Variants in RASGRP3 observed in about 807,000 individuals in gnomAD.
RASGRP3 encodes the protein ras guanyl-releasing protein 3.
A neutral mutation model predicts 82.7 loss-of-function variants in RASGRP3; 54 were observed. That is an observed-to-expected ratio of 0.65 (90% CI 0.52 to 0.82). The LOEUF is 0.82. RASGRP3 is among the 40% of genes least tolerant of loss of function. The pLI, the probability that RASGRP3 is intolerant of heterozygous loss-of-function variation, is 0.00. For missense variants in RASGRP3, 861 were observed against 828.9 expected (o/e 1.04, Z -0.48); for synonymous variants, 309 against 300.5 (o/e 1.03, Z -0.29).
intron 1 of RASGRP3, among the ~76,000 whole-genome samples, chr2:33,442,709 T>C (rs932109387): frequency 6.6e-6 from 1 of 152,196 alleles, no homozygotes; most frequent in African/African-American, 2.4e-5. Flanking sequence ...ATAATTGTTT[T>C]AGTAATAATT....
chr2:33,524,459 A>G lies in RASGRP3; in HGVS notation c.718A>G (p.Thr240Ala). 2 of 1,601,998 alleles carry G rather than the reference A, an allele frequency of 1.2e-6. No homozygotes were observed. Among genetic ancestry groups the G allele is most frequent in the Non-Finnish European group, 1.7e-6 (2 of 1,174,326 alleles). Residue 240 changes from threonine (T) to alanine (A), a missense_variant, in exon 9 of 18, where the codon ACC (threonine) becomes GCC (alanine). Thr to Ala is a moderately conservative substitution (Grantham distance 58, BLOSUM62 0). Coordinates refer to ENST00000403687, the MANE Select transcript of RASGRP3 (RefSeq NM_001139488.2). ...KKLLQLKNFN[T>A]LMAVVGGLSH... ...GCTCCTTCAGCTCAAAAATTTTAACACCCTGATGGCAGTGGTGGGAGGCCT... is the reference window on the plus strand; with the variant it reads ...GCTCCTTCAGCTCAAAAATTTTAACGCCCTGATGGCAGTGGTGGGAGGCCT...
chr2:33,479,805 T>C (rs2150933792), intron 1 of RASGRP3, among the ~76,000 whole-genome samples: 1 of 152,216 alleles, frequency 6.6e-6, no homozygotes, highest in South Asian at 2.1e-4. Context: ...TTTAAAAATG[T>C]CATTTGGCTG....
intron 2 of RASGRP3, among the ~76,000 whole-genome samples, chr2:33,456,734 A>G (rs1666059299): frequency 6.6e-6 from 1 of 152,290 alleles, no homozygotes; most frequent in South Asian, 2.1e-4. Flanking sequence ...TCATTTTTCT[A>G]AAAATAATTA....
chr2:33,519,869 G>T, intron 4 of RASGRP3, 83 bp from the exon 5 acceptor site: 1 of 925,744 alleles, frequency 1.1e-6, no homozygotes, highest in Non-Finnish European at 1.7e-6. Context: ...CTCTTATTAG[G>T]AATTGGTATA....
intron 1 of RASGRP3, among the ~76,000 whole-genome samples, chr2:33,480,876 G>A (rs758344267): frequency 1.8e-4 from 28 of 152,148 alleles, no homozygotes; most frequent in Non-Finnish European, 3.1e-4. Context: ...AGAGTCTGTG[G>A]TGTGCAGAGT....
At chr2:33,461,505 C>G (rs1285853474) in intron 2 of RASGRP3, among the ~76,000 whole-genome samples, 3 of 152,186 alleles carry the variant, frequency 2.0e-5, no homozygotes, top group African/African-American at 7.2e-5. Context: ...CTTGAACTCC[C>G]AAGCTCAAGT....
At chr2:33,456,802 G>A (rs899812647) in intron 2 of RASGRP3, among the ~76,000 whole-genome samples, 1 of 151,856 alleles carries the variant, frequency 6.6e-6, no homozygotes, top group African/African-American at 2.4e-5. Context: ...CTAGTTTTTT[G>A]TAAACTTGTT....
At chr2:33,547,807 C>T (rs1269146900) in intron 13 of RASGRP3, among the ~76,000 whole-genome samples, 1 of 151,938 alleles carries the variant, frequency 6.6e-6, no homozygotes, top group South Asian at 2.1e-4. Context: ...AGTCAGAGGG[C>T]CCTGCAGGTG....
chr2:33,491,692 C>G (rs1668857430), intron 1 of RASGRP3, among the ~76,000 whole-genome samples: 1 of 152,220 alleles, frequency 6.6e-6, no homozygotes, highest in African/African-American at 2.4e-5. Flanking sequence ...ATCATCAGTC[C>G]TCATTGTTAT....
chr2:33,508,405 G>A (rs575888176), intron 1 of RASGRP3, among the ~76,000 whole-genome samples: 119 of 152,292 alleles, frequency 7.8e-4, no homozygotes, highest in African/African-American at 2.0e-3. Context: ...GTTAATTCAC[G>A]TAACGTGGTC....
At chr2:33,550,750 C>A (rs553314621) in intron 14 of RASGRP3, among the ~76,000 whole-genome samples, 1 of 152,160 alleles carries the variant, frequency 6.6e-6, no homozygotes, top group Non-Finnish European at 1.5e-5. Flanking sequence ...CGATATTATA[C>A]GCTACCAGAA....
chr2:33,522,507 A>T (rs1246194981), intron 7 of RASGRP3, among the ~76,000 whole-genome samples: 1 of 152,204 alleles, frequency 6.6e-6, no homozygotes, highest in Non-Finnish European at 1.5e-5. Flanking sequence ...TATAGGTTGA[A>T]AATAGGAATT....
intron 1 of RASGRP3, among the ~76,000 whole-genome samples, chr2:33,508,487 T>C (rs6761582): frequency 0.17 from 25,635 of 152,104 alleles, 3,507 homozygotes; most frequent in African/African-American, 0.37. Flanking sequence ...GAGGGCCACT[T>C]CTTTCAATGC....
At chr2:33,519,387 T>C (rs533597867) in intron 4 of RASGRP3, among the ~76,000 whole-genome samples, 10 of 152,152 alleles carry the variant, frequency 6.6e-5, no homozygotes, top group South Asian at 2.1e-4. Flanking sequence ...GAGGCCGAGG[T>C]GGGCGGATCA....
intron 1 of RASGRP3, among the ~76,000 whole-genome samples, chr2:33,443,132 TAA>T (rs374552453): frequency 6.6e-6 from 1 of 152,354 alleles, no homozygotes; most frequent in African/African-American, 2.4e-5. Context: ...CATAGAATCT[TAA>T]AAGTGTTTCT....
Position 33,558,745 on chromosome 2 carries a change from G to A in RASGRP3, c.1779G>A (p.Leu593=). The A allele has an allele frequency of 6.2e-7, 1 of 1,613,928 alleles. No homozygotes were observed. The highest frequency in any genetic ancestry group is 8.5e-7 in the Non-Finnish European group (1 of 1,179,902). ...HRDLDSRAIT[L]VTGSSRKISV... is the part of the protein sequence containing the mutation. ...ATTTAGACAGCAGAGCCATCACACT[G>A]GTTACAGGCTCTTCTCGCAAGATCT... The change falls in exon 17 of 18, where the codon CTG becomes CTA. Residue 593 remains leucine (L), a synonymous_variant. Transcript: ENST00000403687.
Position 33,510,345 on chromosome 2 carries a change from A to G in RASGRP3, c.-260-1365A>G, listed in dbSNP as rs75420807. 7.2e-3 allele frequency among the ~76,000 whole-genome samples: 1,091 copies of G among 152,340 alleles called. 16 individuals are homozygous for G. Among genetic ancestry groups the G allele is most frequent in the African/African-American group, 0.025 (1,060 of 41,582 alleles). On this transcript the variant is annotated intron_variant, in intron 1 of 17. Transcript: ENST00000403687. The stretch of plus-strand genomic sequence containing the variant: ...TTCACCTTATAAATCCTACAATTCT[A>G]GAGCCAAGAGAAAGCTTCCCTGTCA...
chr2:33,562,760 G>A lies in RASGRP3; in HGVS notation c.*23G>A. ...TGACTTCAGGCTGCGGAAACTGAAG[G>A]CAATAATGTTGGCTTTTGGAAGGGG... On this transcript the variant is annotated 3_prime_UTR_variant, in exon 18 of 18. Coordinates refer to ENST00000403687, the MANE Select transcript of RASGRP3 (RefSeq NM_001139488.2). 3 of 1,612,626 alleles carry A rather than the reference G, an allele frequency of 1.9e-6. No homozygotes were observed. Among genetic ancestry groups the A allele is most frequent in the Non-Finnish European group, 2.5e-6 (3 of 1,178,658 alleles).
rs371456335 is a variant in RASGRP3, at chr2:33,527,192, G to T, written c.863G>T (p.Arg288Leu). The T allele has an allele frequency of 3.1e-6, 5 of 1,613,886 alleles. No homozygotes were observed. The highest frequency in any genetic ancestry group is 1.3e-5 in the African/African-American group (1 of 74,918). The change falls in exon 10 of 18, where the codon CGC (arginine) becomes CTC (leucine). Residue 288 changes from arginine (R) to leucine (L), a missense_variant. Coordinates refer to ENST00000403687, the MANE Select transcript of RASGRP3 (RefSeq NM_001139488.2). ...VSSNGNYCNY[R>L]KAFADCDGFK... ...TCCAACGGCAATTACTGCAATTACCGCAAGGCCTTTGCCGACTGCGATGGC... is the reference window on the plus strand; with the variant it reads ...TCCAACGGCAATTACTGCAATTACCTCAAGGCCTTTGCCGACTGCGATGGC...
Sources: gnomAD v4.1 joint callset for allele counts (sites outside exome capture counted in the v4.1 genomes callset) on GRCh38, gnomAD v4.1.1 for gene constraint, MANE v1.5 for transcripts, NCBI Gene and HGNC (gene_info 2026-07-23, HGNC 2026-07-21) for gene names.